The following TTLL6 variants were observed in gnomAD, a reference collection of about 807,000 sequenced individuals.
The protein encoded by TTLL6 is tubulin polyglutamylase TTLL6.
In TTLL6, 75 loss-of-function variants were observed where a neutral mutation model predicts 96.4. The observed-to-expected ratio is 0.78, with a 90% CI of 0.65 to 0.94. The LOEUF (loss-of-function observed/expected upper bound fraction) is 0.94. TTLL6 is among the 40% of genes least tolerant of loss of function. TTLL6 has a pLI of 0.00. For synonymous variants in TTLL6, 411 were observed against 419.4 expected, an observed-to-expected ratio of 0.98 and a Z score of 0.24; for missense variants, 1,030 against 1,093.0, an observed-to-expected ratio of 0.94 and a Z score of 0.81.
chr17:48,796,212 G>A (rs929362364), intron 7 of TTLL6, 66 bp from the exon 8 acceptor site: 15 of 1,285,156 alleles, frequency 1.2e-5, no homozygotes, highest in South Asian at 7.8e-5. Context: ...TCCTCTCTGT[G>A]CCCTCCCATG....
chr17:48,763,570 G>T (rs1374302582), intron 15 of TTLL6, among the ~76,000 whole-genome samples: 1 of 152,182 alleles, frequency 6.6e-6, no homozygotes, highest in Non-Finnish European at 1.5e-5. Flanking sequence ...GCTGAGGCAG[G>T]TGGATCACTT....
chr17:48,797,006 T>A, intron 7 of TTLL6, 55 bp downstream of exon 7: 1 of 1,458,468 alleles, frequency 6.9e-7, no homozygotes, highest in East Asian at 2.5e-5. Flanking sequence ...TAGAATTTTT[T>A]TTTTTTTAAT....
At chr17:48,787,531 T>C (rs1597979511) in intron 11 of TTLL6, among the ~76,000 whole-genome samples, 2 of 152,248 alleles carry the variant, frequency 1.3e-5, no homozygotes, top group East Asian at 1.9e-4. Context: ...GCTGGGAGTA[T>C]AGGCACATGC....
chr17:48,774,686 C>G (rs949141205), intron 13 of TTLL6, among the ~76,000 whole-genome samples: 1 of 152,118 alleles, frequency 6.6e-6, no homozygotes, highest in Non-Finnish European at 1.5e-5. Context: ...AAACCACAAA[C>G]TGCCGAAATT....
intron 1 of TTLL6, among the ~76,000 whole-genome samples, chr17:48,814,028 A>G (rs1282463228): frequency 1.3e-5 from 2 of 152,050 alleles, no homozygotes; most frequent in Non-Finnish European, 2.9e-5. Context: ...AGAGTTTTTA[A>G]AAGACTAAGG....
intron 13 of TTLL6, among the ~76,000 whole-genome samples, chr17:48,778,401 T>A (rs934062828): frequency 3.9e-5 from 6 of 152,056 alleles, no homozygotes; most frequent in African/African-American, 1.4e-4. Flanking sequence ...TTAAAATTTT[T>A]CACTAATCAA....
chr17:48,784,859 G>A (rs539408597), intron 13 of TTLL6, 64 bp downstream of exon 13: 8 of 1,425,740 alleles, frequency 5.6e-6, no homozygotes, highest in South Asian at 1.2e-5. Context: ...CAAGTTGGGG[G>A]TAGAGAAAGG....
At chr17:48,810,940 G>A (rs188618848) in intron 1 of TTLL6, among the ~76,000 whole-genome samples, 7 of 148,088 alleles carry the variant, frequency 4.7e-5, no homozygotes, top group African/African-American at 1.2e-4. Flanking sequence ...ATTCCTTCAT[G>A]CCAGCAATCA....
At chr17:48,768,598 G>T (rs188199008) in intron 15 of TTLL6, among the ~76,000 whole-genome samples, 3 of 150,840 alleles carry the variant, frequency 2.0e-5, no homozygotes, top group Admixed American at 6.6e-5. Flanking sequence ...TAGAGACAGG[G>T]TCTTGCTATG....
intron 13 of TTLL6, among the ~76,000 whole-genome samples, chr17:48,783,901 T>G (rs1472088047): frequency 6.6e-6 from 1 of 152,190 alleles, no homozygotes; most frequent in Non-Finnish European, 1.5e-5. Flanking sequence ...CAAAACAAGG[T>G]GTCCATACAT....
At position 48,817,081 on chromosome 17, in the gene TTLL6, A is replaced by G. The variant is rs764554548; in HGVS notation, c.-9T>C. The G allele has an allele frequency of 1.0e-4, 156 of 1,537,738 alleles. 3 individuals carry two copies. The Middle Eastern group carries it at 2.2e-3, about 21-fold the overall frequency. On this transcript the variant is annotated 5_prime_UTR_variant, in exon 1 of 16. Transcript: ENST00000393382. ...AGGAGTAACGCTCCCATTGGCTGCCAGACAGCCCCAACCCCAACCCGCGCT... is the reference window on the plus strand; with the variant it reads ...AGGAGTAACGCTCCCATTGGCTGCCGGACAGCCCCAACCCCAACCCGCGCT...
At chr17:48,773,840 T>C (rs2038800454) in intron 13 of TTLL6, among the ~76,000 whole-genome samples, 1 of 151,764 alleles carries the variant, frequency 6.6e-6, no homozygotes. Context: ...CCCAGCACTT[T>C]GGGAGGCCGA....
chr17:48,787,163 C>G (rs2039116019), intron 11 of TTLL6, among the ~76,000 whole-genome samples: 1 of 152,056 alleles, frequency 6.6e-6, no homozygotes, highest in Non-Finnish European at 1.5e-5. Flanking sequence ...CTCCTCTGCT[C>G]TGCCTTCTCT....
chr17:48,778,442 T>G (rs887071584), intron 13 of TTLL6, among the ~76,000 whole-genome samples: 2 of 151,870 alleles, frequency 1.3e-5, no homozygotes, highest in African/African-American at 4.8e-5. Context: ...TCAAGTAAAT[T>G]TCCAGAATAT....
chr17:48,775,785 C>T (rs2038858769), intron 13 of TTLL6, among the ~76,000 whole-genome samples: 1 of 152,092 alleles, frequency 6.6e-6, no homozygotes, highest in Non-Finnish European at 1.5e-5. Flanking sequence ...AGGTGATCTG[C>T]CCACCTTGGC....
rs549173840 is a variant in TTLL6 at position 48,769,815 on chromosome 17, C to T, written c.2323G>A (p.Glu775Lys). Residue 775 changes from glutamate (E) to lysine (K), a missense_variant, in exon 14 of 16, where the codon GAG becomes AAG. Transcript: ENST00000393382. The part of the protein sequence containing the change: ...SDMNKPHLIS[E>K]LLTKLQLSGK... ...CTCAGTTGAAGCTTGGTGAGTAGCTCGGATATCAAATGTGGCTTGTTCATG... is the reference window on the plus strand; with the variant it reads ...CTCAGTTGAAGCTTGGTGAGTAGCTTGGATATCAAATGTGGCTTGTTCATG... The T allele has an allele frequency of 1.9e-5, 31 of 1,614,178 alleles. No individual in the cohort carries two copies. The South Asian group carries it at 2.6e-4, about 14-fold the overall frequency.
intron 13 of TTLL6, among the ~76,000 whole-genome samples, chr17:48,773,270 G>A (rs1337642169): frequency 6.6e-6 from 1 of 152,056 alleles, no homozygotes. Flanking sequence ...AACAAAATAA[G>A]GCAGCAAAAG....
intron 13 of TTLL6, 101 bp downstream of exon 13, chr17:48,784,822 C>T: frequency 1.0e-6 from 1 of 955,252 alleles, no homozygotes; most frequent in Non-Finnish European, 1.6e-6. Context: ...CCCAGGGAGG[C>T]TCAGTGGCTT....
chr17:48,810,383 T>C (rs941032918), intron 1 of TTLL6, among the ~76,000 whole-genome samples: 1 of 152,104 alleles, frequency 6.6e-6, no homozygotes, highest in Non-Finnish European at 1.5e-5. Flanking sequence ...ATGTGACTAC[T>C]TTTGCTTTGT....
Sources: gnomAD v4.1 joint callset for allele counts (sites outside exome capture counted in the v4.1 genomes callset) on GRCh38, gnomAD v4.1.1 for gene constraint, MANE v1.5 for transcripts, NCBI Gene and HGNC (gene_info 2026-07-23, HGNC 2026-07-21) for gene names.